Variants in MKLN1 observed in about 807,000 individuals in gnomAD.
MKLN1 encodes muskelin 1.
MKLN1 carries 18 observed loss-of-function variants against 99.0 expected under a neutral mutation model. The observed-to-expected ratio is 0.18, with a 90% CI of 0.13 to 0.27. The LOEUF (loss-of-function observed/expected upper bound fraction) is 0.27, where lower values mean the gene tolerates loss of function less well. Among genes scored for constraint, MKLN1 ranks in the 10% least tolerant of loss-of-function variants. MKLN1 has a pLI of 1.00. For missense variants in MKLN1, 621 were observed against 875.9 expected, an observed-to-expected ratio of 0.71 and a Z score of 3.67; for synonymous variants, 288 against 293.2, an observed-to-expected ratio of 0.98 and a Z score of 0.18.
At chr7:131,248,217 A>G (rs368084230) in intron 3 of MKLN1, among the ~76,000 whole-genome samples, 2 of 152,134 alleles carry the variant, frequency 1.3e-5, no homozygotes, top group East Asian at 3.9e-4. Flanking sequence ...TGAGAAGAAA[A>G]AAAAGAATAT....
At chr7:131,466,478 T>G in intron 15 of MKLN1, 63 bp downstream of exon 15, 3 of 1,232,410 alleles carry the variant, frequency 2.4e-6, no homozygotes, top group Non-Finnish European at 2.2e-6. Flanking sequence ...TCTTGGCAAA[T>G]TTAATAATGA....
At chr7:131,215,416 A>C (rs1796966192) in intron 3 of MKLN1, among the ~76,000 whole-genome samples, 1 of 152,008 alleles carries the variant, frequency 6.6e-6, no homozygotes, top group Non-Finnish European at 1.5e-5. Context: ...CACCACAATA[A>C]CTCACTGCAG....
intron 3 of MKLN1, among the ~76,000 whole-genome samples, chr7:131,238,580 T>C (rs1228496529): frequency 6.6e-6 from 1 of 152,208 alleles, no homozygotes; most frequent in Non-Finnish European, 1.5e-5. Context: ...CTACAGGGAC[T>C]CTGAGGTTGC....
At chr7:131,208,519 T>A (rs544481665) in intron 3 of MKLN1, among the ~76,000 whole-genome samples, 1 of 152,230 alleles carries the variant, frequency 6.6e-6, no homozygotes, top group Non-Finnish European at 1.5e-5. Context: ...TGCCTGAGCC[T>A]GGGAGGTTGG....
intron 17 of MKLN1, among the ~76,000 whole-genome samples, chr7:131,483,439 G>A (rs1009896932): frequency 1.3e-5 from 2 of 152,142 alleles, no homozygotes; most frequent in African/African-American, 2.4e-5. Flanking sequence ...GTTCCTACAA[G>A]CCTCTGGTCA....
At chr7:131,337,682 A>G (rs144734640) in intron 1 of MKLN1, among the ~76,000 whole-genome samples, 383 of 151,592 alleles carry the variant, frequency 2.5e-3, no homozygotes, top group Middle Eastern at 6.8e-3. Flanking sequence ...TATTTCCATC[A>G]TCTCTTTCCT....
intron 14 of MKLN1, among the ~76,000 whole-genome samples, chr7:131,465,344 G>A (rs956150632): frequency 2.8e-4 from 43 of 152,250 alleles, no homozygotes; most frequent in Non-Finnish European, 5.0e-4. Context: ...GAAAGTGATT[G>A]CGTTTCTTCA....
At chr7:131,346,490 C>G (rs1386996909) in intron 1 of MKLN1, among the ~76,000 whole-genome samples, 3 of 150,928 alleles carry the variant, frequency 2.0e-5, no homozygotes, top group Non-Finnish European at 4.4e-5. Flanking sequence ...CCACTGCACT[C>G]CAGCCTAGTG....
intron 3 of MKLN1, among the ~76,000 whole-genome samples, chr7:131,300,679 C>T (rs558404796): frequency 8.0e-6 from 1 of 125,612 alleles, no homozygotes; most frequent in African/African-American, 2.8e-5. Context: ...CACAGTGAGA[C>T]CCTGTCTCAA....
chr7:131,371,052 G>C (rs1297529976), intron 1 of MKLN1, among the ~76,000 whole-genome samples: 1 of 152,066 alleles, frequency 6.6e-6, no homozygotes, highest in Non-Finnish European at 1.5e-5. Context: ...TGAGCTTTAA[G>C]TTACAGGTAA....
intron 2 of MKLN1, among the ~76,000 whole-genome samples, chr7:131,201,247 T>C (rs1052519028): frequency 7.2e-5 from 11 of 152,196 alleles, no homozygotes; most frequent in Non-Finnish European, 4.4e-5. Context: ...CTCAAATTCC[T>C]GACCTCAGGT....
chr7:131,224,017 T>G (rs6961574), intron 3 of MKLN1, among the ~76,000 whole-genome samples: 17,596 of 149,964 alleles, frequency 0.12, 1,273 homozygotes, highest in Middle Eastern at 0.16. Context: ...GCCCACCTTG[T>G]CCTCCCAAAG....
chr7:131,342,373 A>G (rs558973865), intron 1 of MKLN1, among the ~76,000 whole-genome samples: 1 of 152,340 alleles, frequency 6.6e-6, no homozygotes, highest in Admixed American at 6.5e-5. Flanking sequence ...ATATTTGAAG[A>G]TACATACCTA....
At chr7:131,485,194 CA>C (rs1454073783) in intron 17 of MKLN1, among the ~76,000 whole-genome samples, 1 of 151,970 alleles carries the variant, frequency 6.6e-6, no homozygotes, top group Non-Finnish European at 1.5e-5. Flanking sequence ...GAAGCCAGCT[CA>C]AAAAGGCTCT....
At chr7:131,284,548 T>C (rs895128164) in intron 3 of MKLN1, among the ~76,000 whole-genome samples, 1 of 152,220 alleles carries the variant, frequency 6.6e-6, no homozygotes, top group African/African-American at 2.4e-5. Context: ...GAAGTACCAC[T>C]GTCCAACATA....
In MKLN1 at chr7:131,240,355, G is replaced by A. The variant is rs1584860051; in HGVS notation, c.-179+37381G>A. Among the ~76,000 whole-genome samples the A allele has an allele frequency of 3.3e-5, 5 of 152,230 alleles. No homozygotes were observed. The South Asian group carries it at 1.0e-3, about 32-fold the overall frequency. On this transcript the variant is annotated intron_variant, in intron 3 of 7. Coordinates refer to the MKLN1 transcript ENST00000416992. ...CTGCTCTAGGTCTACTAGTAATCGT[G>A]TCTAACAAATCAATAATTAAAAGGC... is the stretch of plus-strand genomic sequence containing the variant.
chr7:131,221,495 C>T lies in MKLN1; in HGVS notation c.-179+18521C>T, dbSNP rs1379176950. Among the ~76,000 whole-genome samples the T allele has an allele frequency of 1.1e-4, 16 of 141,056 alleles. No homozygotes were observed. In the East Asian group the frequency reaches 3.2e-3, roughly 28 times the overall value. 92.5% of individuals were successfully genotyped at this position (141,056 alleles called of 152,430 possible). ...GAGGTTTCCATTCTGGAGATTTGAT[C>T]ATGCCACTTTTTTTTTTTTTTTTTT... On this transcript the variant is annotated intron_variant, in intron 3 of 7. Coordinates refer to the MKLN1 transcript ENST00000416992.
chr7:131,368,005 C>T (rs1800231726), intron 1 of MKLN1, among the ~76,000 whole-genome samples: 1 of 152,082 alleles, frequency 6.6e-6, no homozygotes, highest in African/African-American at 2.4e-5. Flanking sequence ...ATATATACCA[C>T]TAGTGATGGT....
At chr7:131,380,922 T>C (rs1793828795) in intron 2 of MKLN1, among the ~76,000 whole-genome samples, 2 of 152,182 alleles carry the variant, frequency 1.3e-5, no homozygotes, top group Non-Finnish European at 2.9e-5. Context: ...GAACAGTGAT[T>C]TAGCAAATAC....
Sources: gnomAD v4.1 joint callset for allele counts (sites outside exome capture counted in the v4.1 genomes callset) on GRCh38, gnomAD v4.1.1 for gene constraint, MANE v1.5 for transcripts, NCBI Gene and HGNC (gene_info 2026-07-23, HGNC 2026-07-21) for gene names.